Variants in MAGI2 observed in about 807,000 individuals in gnomAD.
MAGI2 encodes the protein membrane associated guanylate kinase, WW and PDZ domain containing 2.
MAGI2 carries 35 observed loss-of-function variants against 133.3 expected under a neutral mutation model. The observed-to-expected ratio is 0.26, with a 90% CI of 0.20 to 0.35. The LOEUF (loss-of-function observed/expected upper bound fraction) is 0.35. Among genes scored for constraint, MAGI2 ranks in the 10% least tolerant of loss-of-function variants. MAGI2 has a pLI of 1.00. For missense variants in MAGI2, 1,636 were observed against 1,863.4 expected (o/e 0.88, Z 2.25); for synonymous variants, 729 against 710.6 (o/e 1.03, Z -0.41).
At chr7:79,300,369 A>C (rs1207169930) in intron 1 of MAGI2, among the ~76,000 whole-genome samples, 2 of 152,232 alleles carry the variant, frequency 1.3e-5, no homozygotes, top group Non-Finnish European at 2.9e-5. Context: ...CACAGGTCAC[A>C]CATGTGATGC....
At chr7:78,268,123 CAG>C (rs374728034) in intron 9 of MAGI2, among the ~76,000 whole-genome samples, 96 of 151,936 alleles carry the variant, frequency 6.3e-4, no homozygotes, top group Admixed American at 1.6e-3. Context: ...AGGTTAACAA[CAG>C]AGTCAGAAAC....
At chr7:78,891,359 T>A (rs927159220) in intron 2 of MAGI2, among the ~76,000 whole-genome samples, 1 of 152,076 alleles carries the variant, frequency 6.6e-6, no homozygotes, top group Non-Finnish European at 1.5e-5. Context: ...AAAGAGAGAA[T>A]CCTCCCTAAC....
intron 2 of MAGI2, among the ~76,000 whole-genome samples, chr7:78,835,421 A>G (rs1026897853): frequency 6.6e-6 from 1 of 152,196 alleles, no homozygotes; most frequent in Admixed American, 6.5e-5. Context: ...AGCCTGCAAG[A>G]ACAGAAGATA....
intron 1 of MAGI2, among the ~76,000 whole-genome samples, chr7:79,167,952 G>A (rs140341808): frequency 0.056 from 8,519 of 152,114 alleles, 491 homozygotes; most frequent in East Asian, 0.15. Flanking sequence ...GCTTAAAGGC[G>A]TTCTTAAACC....
chr7:78,108,529 T>C (rs1209622236), intron 20 of MAGI2, among the ~76,000 whole-genome samples: 3 of 152,242 alleles, frequency 2.0e-5, no homozygotes, highest in African/African-American at 7.2e-5. Context: ...GTTTCTTTTT[T>C]GATTTTCTGT....
At chr7:79,223,643 C>T (rs1025675690) in intron 1 of MAGI2, among the ~76,000 whole-genome samples, 1 of 151,956 alleles carries the variant, frequency 6.6e-6, no homozygotes, top group Non-Finnish European at 1.5e-5. Context: ...GCCTGAGCAA[C>T]ATAGTGAGAC....
chr7:79,358,942 G>A (rs150994675), intron 1 of MAGI2, among the ~76,000 whole-genome samples: 156 of 152,222 alleles, frequency 1.0e-3, no homozygotes, highest in African/African-American at 3.7e-3. Flanking sequence ...TAGACAAAAT[G>A]CCAAGAATAC....
At chr7:79,366,688 C>T (rs1259909245) in intron 1 of MAGI2, among the ~76,000 whole-genome samples, 1 of 152,020 alleles carries the variant, frequency 6.6e-6, no homozygotes, top group Non-Finnish European at 1.5e-5. Flanking sequence ...AACAAGGGGT[C>T]TCTGTATTAT....
intron 9 of MAGI2, among the ~76,000 whole-genome samples, chr7:78,301,114 CA>C (rs112448844): frequency 9.9e-5 from 15 of 152,188 alleles, no homozygotes; most frequent in African/African-American, 3.1e-4. Context: ...TTCCAGGGAC[CA>C]AGCATTTAAT....
intron 8 of MAGI2, among the ~76,000 whole-genome samples, chr7:78,344,182 T>C (rs1046640361): frequency 1.3e-5 from 2 of 152,128 alleles, no homozygotes; most frequent in Non-Finnish European, 2.9e-5. Flanking sequence ...AAAAAGCTGT[T>C]TGGTTTGGAG....
Position 78,190,526 on chromosome 7 carries a change from G to A in MAGI2, c.2269+4348C>T, listed in dbSNP as rs186675030. On this transcript the variant is annotated intron_variant, in intron 12 of 21. Transcript: ENST00000354212. ...TGAAAAGTGAACTATTGATAATCAC[G>A]CCAGGACAGCACAGACAAGGATTGT... 2.6e-5 allele frequency among the ~76,000 whole-genome samples: 4 copies of A among 152,160 alleles called. No homozygotes were observed. In the South Asian group the frequency reaches 6.2e-4, roughly 24 times the overall value.
chr7:78,051,884 C>CT (rs59919639), intron 21 of MAGI2, among the ~76,000 whole-genome samples: 13,392 of 125,774 alleles, frequency 0.11, 825 homozygotes, highest in African/African-American at 0.15. Flanking sequence ...CATACCCAGC[C>CT]TTTTTTTTTT....
chr7:78,554,377 A>C (rs962910861), intron 3 of MAGI2, among the ~76,000 whole-genome samples: 8 of 152,200 alleles, frequency 5.3e-5, no homozygotes, highest in African/African-American at 1.9e-4. Flanking sequence ...TGAACCTTAC[A>C]TAAATCTGAA....
rs369803912 is a variant in MAGI2, at chr7:78,057,997, A to ATGTGTGTGTGTGTGTGTGTGTGTGTGTG, written c.3706+20949_3706+20950insCACACACACACACACACACACACACACA. On this transcript the variant is annotated intron_variant, in intron 21 of 21. Coordinates refer to ENST00000354212, the MANE Select transcript of MAGI2 (RefSeq NM_012301.4). Reference sequence around the variant, plus strand: ...TATGTGTATATATATATATATATATATATATATGTATGAGAAACATCTTGA... The same window carrying ATGTGTGTGTGTGTGTGTGTGTGTGTGTG: ...TATGTGTATATATATATATATATATATGTGTGTGTGTGTGTGTGTGTGTGTGTGTATATATGTATGAGAAACATCTTGA... Among the ~76,000 whole-genome samples the ATGTGTGTGTGTGTGTGTGTGTGTGTGTG allele has an allele frequency of 6.6e-3, 262 of 39,998 alleles. 10 individuals are homozygous for ATGTGTGTGTGTGTGTGTGTGTGTGTGTG. Among genetic ancestry groups the ATGTGTGTGTGTGTGTGTGTGTGTGTGTG allele is most frequent in the Middle Eastern group, 0.037 (3 of 82 alleles). The allele number at this position is 39,998 out of a possible 152,430, so 26.2% of individuals were successfully genotyped here.
intron 3 of MAGI2, chr7:78,615,133 C>T (rs2150922863): frequency 6.6e-6 from 1 of 152,310 alleles, no homozygotes; most frequent in Admixed American, 6.5e-5. Flanking sequence ...TCCATCCCCA[C>T]ATCTCCCTAA....
intron 1 of MAGI2, among the ~76,000 whole-genome samples, chr7:79,238,218 T>C (rs1832083523): frequency 6.6e-6 from 1 of 152,186 alleles, no homozygotes; most frequent in South Asian, 2.1e-4. Flanking sequence ...TTAGGCTTTA[T>C]CCTTATCTTT....
chr7:79,438,901 T>C (rs1257091742), intron 1 of MAGI2, among the ~76,000 whole-genome samples: 1 of 152,106 alleles, frequency 6.6e-6, no homozygotes, highest in Admixed American at 6.6e-5. Flanking sequence ...CTAAACACAT[T>C]CACTGGCTTT....
Position 78,635,792 on chromosome 7 carries a change from T to G in MAGI2, c.419-8553A>C, listed in dbSNP as rs572616348. Among the ~76,000 whole-genome samples, 7 of 152,348 alleles carry G rather than the reference T, an allele frequency of 4.6e-5. No homozygotes were observed. The East Asian group carries it at 1.2e-3, about 25-fold the overall frequency. ...AGCAAGTAAGAACACAATCATCAGA[T>G]TTGTGTATGCTGCCAATAAAAACAT... On this transcript the variant is annotated intron_variant, in intron 2 of 21. Coordinates refer to ENST00000354212, the MANE Select transcript of MAGI2 (RefSeq NM_012301.4).
intron 5 of MAGI2, among the ~76,000 whole-genome samples, chr7:78,494,021 G>A (rs777977704): frequency 6.6e-6 from 1 of 151,816 alleles, no homozygotes; most frequent in Non-Finnish European, 1.5e-5. Flanking sequence ...CTATTGCCCA[G>A]GCAGGAGTGC....
Sources: allele counts gnomAD v4.1 joint callset (sites outside exome capture counted in the v4.1 genomes callset), GRCh38; gene constraint gnomAD v4.1.1; transcripts MANE v1.5; gene names NCBI Gene and HGNC (gene_info 2026-07-23, HGNC 2026-07-21).